Variants in RAPGEF5 observed in about 807,000 individuals in gnomAD.
RAPGEF5 encodes the protein Rap guanine nucleotide exchange factor 5.
A neutral mutation model predicts 125.2 loss-of-function variants in RAPGEF5; 65 were observed. The observed-to-expected ratio is 0.52, with a 90% CI of 0.43 to 0.64. The LOEUF (loss-of-function observed/expected upper bound fraction) is 0.64. Ranked by LOEUF, RAPGEF5 falls within the 30% of genes least tolerant of loss-of-function variation. The pLI, the probability that RAPGEF5 is intolerant of heterozygous loss-of-function variation, is 0.00. For synonymous variants in RAPGEF5, 391 were observed against 385.9 expected, an observed-to-expected ratio of 1.01 and a Z score of -0.16; for missense variants, 958 against 1,048.1, an observed-to-expected ratio of 0.91 and a Z score of 1.19.
intron 1 of RAPGEF5, among the ~76,000 whole-genome samples, chr7:22,327,505 C>T (rs1055297593): frequency 1.3e-5 from 2 of 152,178 alleles, no homozygotes; most frequent in African/African-American, 2.4e-5. Flanking sequence ...CCTTCCTTAA[C>T]GCTCTTCACC....
chr7:22,215,268 G>C (rs1247299436), intron 9 of RAPGEF5, among the ~76,000 whole-genome samples: 1 of 152,018 alleles, frequency 6.6e-6, no homozygotes, highest in Non-Finnish European at 1.5e-5. Flanking sequence ...CTAATATTTT[G>C]GTATCTCTGT....
chr7:22,322,591 T>C (rs1290777423), intron 1 of RAPGEF5, among the ~76,000 whole-genome samples: 2 of 152,234 alleles, frequency 1.3e-5, no homozygotes, highest in Non-Finnish European at 2.9e-5. Context: ...GCTGCAGTTA[T>C]TGTCCCATAC....
At chr7:22,197,930 C>A (rs1204498392) in intron 9 of RAPGEF5, among the ~76,000 whole-genome samples, 2 of 144,600 alleles carry the variant, frequency 1.4e-5, no homozygotes, top group Non-Finnish European at 3.0e-5. Flanking sequence ...CACTCTGTCA[C>A]CCAGGCTGGA....
At chr7:22,214,247 T>C (rs1424925682) in intron 9 of RAPGEF5, among the ~76,000 whole-genome samples, 1 of 152,130 alleles carries the variant, frequency 6.6e-6, no homozygotes, top group Non-Finnish European at 1.5e-5. Context: ...CCATCCATAT[T>C]TCATGAGTGA....
In RAPGEF5 at chr7:22,156,824, G is replaced by A. The variant is rs1468108427; in HGVS notation, c.1622C>T (p.Thr541Ile). ...ENWLQHRGTV[T>I]ETEEIFCHVY... ...ACCATACTCACTTTCCTCCGTTTCAGTCACAGTTCCTCTATGCTGGAGCCA... is the reference window on the plus strand; with the variant it reads ...ACCATACTCACTTTCCTCCGTTTCAATCACAGTTCCTCTATGCTGGAGCCA... The change falls in exon 16 of 26, where the codon ACT becomes ATT. Residue 541 changes from threonine (T) to isoleucine (I), a missense_variant. Transcript: ENST00000665637. 1 of 1,613,924 alleles carries A rather than the reference G, an allele frequency of 6.2e-7. No individual in the cohort carries two copies. The highest frequency in any genetic ancestry group is 1.1e-5 in the South Asian group (1 of 91,076).
intron 13 of RAPGEF5, among the ~76,000 whole-genome samples, chr7:22,162,182 T>C (rs551036752): frequency 6.3e-5 from 9 of 143,154 alleles, no homozygotes; most frequent in Admixed American, 5.9e-4. Context: ...TTACCTTCCT[T>C]AATTATTTCA....
intron 9 of RAPGEF5, among the ~76,000 whole-genome samples, chr7:22,203,779 T>G (rs1785334257): frequency 6.6e-6 from 1 of 152,126 alleles, no homozygotes; most frequent in African/African-American, 2.4e-5. Flanking sequence ...AGTGCCTCAG[T>G]TCCCTGAAAC....
At chr7:22,145,358 G>A (rs1369104730) in intron 19 of RAPGEF5, 136 bp from the exon 20 acceptor site, 2 of 773,262 alleles carry the variant, frequency 2.6e-6, no homozygotes, top group African/African-American at 3.5e-5. Flanking sequence ...ATGGTGAATA[G>A]TAATACATTA....
intron 23 of RAPGEF5, among the ~76,000 whole-genome samples, chr7:22,135,359 G>A (rs552448646): frequency 1.3e-5 from 2 of 152,114 alleles, no homozygotes; most frequent in Non-Finnish European, 1.5e-5. Flanking sequence ...GAATGTCAGC[G>A]GTATACACCA....
At chr7:22,125,562 G>T in intron 25 of RAPGEF5, 42 bp downstream of exon 25, 1 of 1,553,112 alleles carries the variant, frequency 6.4e-7, no homozygotes, top group Non-Finnish European at 8.9e-7. Flanking sequence ...TGGTACCAAC[G>T]TAGAGTCAAT....
intron 14 of RAPGEF5, among the ~76,000 whole-genome samples, 183 bp downstream of exon 14, chr7:22,160,335 G>A (rs1394093396): frequency 2.0e-5 from 3 of 152,076 alleles, no homozygotes; most frequent in East Asian, 1.9e-4. Flanking sequence ...GCTGAATTCC[G>A]TGTTCTTTCA....
chr7:22,135,759 C>T (rs541192287), intron 23 of RAPGEF5, among the ~76,000 whole-genome samples: 1 of 152,208 alleles, frequency 6.6e-6, no homozygotes, highest in South Asian at 2.1e-4. Flanking sequence ...TAATACAGGG[C>T]TTAGAAGTAG....
intron 21 of RAPGEF5, among the ~76,000 whole-genome samples, chr7:22,137,411 G>A (rs1448098567): frequency 1.3e-5 from 2 of 152,190 alleles, no homozygotes; most frequent in African/African-American, 2.4e-5. Flanking sequence ...AATAGTGAAG[G>A]GCCAGGAAGA....
intron 11 of RAPGEF5, chr7:22,191,513 G>C (rs1321412717): frequency 2.1e-6 from 1 of 468,582 alleles, no homozygotes; most frequent in African/African-American, 2.0e-5. Context: ...AATTAGGTGA[G>C]GTGACCCCAA....
chr7:22,332,019 T>C lies in RAPGEF5; in HGVS notation c.232-13982A>G, dbSNP rs143335663. ...AAAACCACATGATTCTGGAGATTGG[T>C]TGCACAACATGAATGTACTTAACAA... On this transcript the variant is annotated intron_variant, in intron 1 of 25. Coordinates refer to ENST00000665637, the MANE Select transcript of RAPGEF5 (RefSeq NM_012294.5). Among the ~76,000 whole-genome samples the C allele has an allele frequency of 6.8e-4, 103 of 152,302 alleles. 1 individual carries two copies. The East Asian group carries it at 0.018, about 26-fold the overall frequency.
At chr7:22,302,865 T>A (rs1037247803) in intron 5 of RAPGEF5, among the ~76,000 whole-genome samples, 25 of 138,274 alleles carry the variant, frequency 1.8e-4, no homozygotes, top group African/African-American at 6.7e-4. Context: ...AGAAGCTACA[T>A]TTTCTTTCCA....
intron 9 of RAPGEF5, among the ~76,000 whole-genome samples, chr7:22,214,180 C>T (rs1785576280): frequency 6.6e-6 from 1 of 152,116 alleles, no homozygotes; most frequent in Admixed American, 6.6e-5. Context: ...GAGACCCTAC[C>T]CTGGCAGCAG....
Position 22,154,467 on chromosome 7 carries a change from T to A in RAPGEF5, c.1774A>T (p.Thr592Ser). The change falls in exon 17 of 26, where the codon ACA (threonine) becomes TCA (serine). Residue 592 changes from threonine (T) to serine (S), a missense_variant. Transcript: ENST00000665637. ...GAAAACAACTTACCCCCAGAGAATG[T>A]GATGGCCACCAGAGCCAGATCCTCT... Reference protein sequence around the residue: ...AEEDLALVAITFSGEKHELQP... With the variant: ...AEEDLALVAISFSGEKHELQP... 1 of 1,613,764 alleles carries A rather than the reference T, an allele frequency of 6.2e-7. No homozygotes were observed. Among genetic ancestry groups the A allele is most frequent in the Non-Finnish European group, 8.5e-7 (1 of 1,179,752 alleles).
chr7:22,204,250 G>A (rs1176039318), intron 9 of RAPGEF5, among the ~76,000 whole-genome samples: 4 of 152,182 alleles, frequency 2.6e-5, no homozygotes. Context: ...CTGACTCAGT[G>A]AAGAACTAAT....
Sources: allele counts gnomAD v4.1 joint callset (sites outside exome capture counted in the v4.1 genomes callset), GRCh38; gene constraint gnomAD v4.1.1; transcripts MANE v1.5; gene names NCBI Gene and HGNC (gene_info 2026-07-23, HGNC 2026-07-21).